Variants in UMAD1 observed in about 807,000 individuals in gnomAD.
UMAD1 encodes UBAP1-MVB12-associated (UMA) domain containing 1.
Under a neutral mutation model 6.1 loss-of-function variants are expected in UMAD1, and 8 were observed. The ratio of observed to expected loss-of-function variants is 1.30; its 90% CI spans 0.76 to 2.35. UMAD1 has a LOEUF of 2.35. Ranked by LOEUF, UMAD1 falls within the 30% of genes most tolerant of loss-of-function variation. The pLI is 0.00. For missense variants in UMAD1, 130 were observed against 78.4 expected (o/e 1.66, Z -2.49); for synonymous variants, 56 against 31.4 (o/e 1.78, Z -2.61).
Position 7,745,993 on chromosome 7 carries a change from CCT to C in UMAD1, c.83-55676_83-55675del, listed in dbSNP as rs372069064. The stretch of plus-strand genomic sequence containing the variant: ...TCAAGAGATCCTCCCACCTCAGCCC[CCT>C]GAGTAGCTAGGACTACAGGCATGTG... On this transcript the variant is annotated intron_variant, in intron 2 of 3. Transcript: ENST00000682710. Among the ~76,000 whole-genome samples, 35 of 152,320 alleles carry C rather than the reference CCT, an allele frequency of 2.3e-4. No homozygotes were observed. The East Asian group carries it at 5.4e-3, about 24-fold the overall frequency.
At chr7:7,743,289 G>C (rs1423121905) in intron 2 of UMAD1, among the ~76,000 whole-genome samples, 1 of 152,034 alleles carries the variant, frequency 6.6e-6, no homozygotes, top group African/African-American at 2.4e-5. Flanking sequence ...AATTAGCAAG[G>C]GATAGTAGAA....
chr7:7,794,647 G>C (rs75689217), intron 2 of UMAD1, among the ~76,000 whole-genome samples: 9,289 of 152,170 alleles, frequency 0.061, 380 homozygotes, highest in Non-Finnish European at 0.087. Flanking sequence ...ATACCAAATT[G>C]CAACCTGACA....
chr7:7,755,093 G>A (rs1465056016), intron 2 of UMAD1, among the ~76,000 whole-genome samples: 1 of 152,080 alleles, frequency 6.6e-6, no homozygotes, highest in Non-Finnish European at 1.5e-5. Context: ...CAAATTCCAA[G>A]TCTTCACTCC....
intron 2 of UMAD1, among the ~76,000 whole-genome samples, chr7:7,751,593 G>A (rs182746357): frequency 6.6e-6 from 1 of 152,122 alleles, no homozygotes; most frequent in Non-Finnish European, 1.5e-5. Flanking sequence ...TGTATATGAG[G>A]GTGGAGGGAC....
chr7:7,708,585 T>TA (rs1304745067), intron 2 of UMAD1, among the ~76,000 whole-genome samples: 1 of 152,170 alleles, frequency 6.6e-6, no homozygotes, highest in East Asian at 1.9e-4. Flanking sequence ...CCTTTAAAAA[T>TA]AAGTCAACAT....
At chr7:7,745,756 C>T (rs938763845) in intron 2 of UMAD1, among the ~76,000 whole-genome samples, 15 of 152,332 alleles carry the variant, frequency 9.8e-5, no homozygotes, top group African/African-American at 3.4e-4. Context: ...AAAAAGTAGT[C>T]TAGTACGATG....
intron 2 of UMAD1, among the ~76,000 whole-genome samples, chr7:7,750,304 G>A (rs1022860368): frequency 1.3e-5 from 2 of 152,110 alleles, no homozygotes; most frequent in Admixed American, 1.3e-4. Flanking sequence ...TTTCACATCT[G>A]TCAGGCTCTA....
intron 3 of UMAD1, among the ~76,000 whole-genome samples, chr7:7,834,044 A>C (rs1783516558): frequency 8.6e-6 from 1 of 116,192 alleles, no homozygotes; most frequent in African/African-American, 3.3e-5. Flanking sequence ...TTTTTTTGAG[A>C]CGGAGTCTTG....
In UMAD1 at chr7:7,692,695, C is replaced by G. The variant is rs866667932; in HGVS notation, c.82+19242C>G. Among the ~76,000 whole-genome samples the G allele has an allele frequency of 2.6e-5, 4 of 152,140 alleles. No individual in the cohort carries two copies. The South Asian group carries it at 8.3e-4, about 32-fold the overall frequency. On this transcript the variant is annotated intron_variant, in intron 2 of 3. Coordinates refer to ENST00000682710, the MANE Select transcript of UMAD1 (RefSeq NM_001302348.2). ...CGTGATCTCAGCTCACTGCAACCTCCACCTCCTGGGTTCAAGTGATTCTCC... is the reference window on the plus strand; with the variant it reads ...CGTGATCTCAGCTCACTGCAACCTCGACCTCCTGGGTTCAAGTGATTCTCC...
rs752742118 is a variant in UMAD1 at position 7,783,813 on chromosome 7, G to T, written c.83-17857G>T. On this transcript the variant is annotated intron_variant, in intron 2 of 3. Coordinates refer to ENST00000682710, the MANE Select transcript of UMAD1 (RefSeq NM_001302348.2). ...CCTGTTATACGCGGTAATGCAGTTT[G>T]TTTTGTACAATGTTATAAAATGATC... 1.4e-4 allele frequency among the ~76,000 whole-genome samples: 22 copies of T among 152,304 alleles called. 1 individual carries two copies. In the Middle Eastern group the frequency reaches 0.027, roughly 190 times the overall value.
chr7:7,839,519 C>G (rs535784510), intron 3 of UMAD1, among the ~76,000 whole-genome samples: 44 of 152,260 alleles, frequency 2.9e-4, no homozygotes, highest in Admixed American at 5.9e-4. Flanking sequence ...TTTACTCTTG[C>G]TGTACACGAG....
intron 2 of UMAD1, among the ~76,000 whole-genome samples, chr7:7,777,215 C>T (rs188769862): frequency 7.9e-5 from 12 of 152,054 alleles, no homozygotes; most frequent in African/African-American, 2.9e-4. Flanking sequence ...CTTGTAAAAA[C>T]AATACTACAG....
At chr7:7,667,105 G>A (rs1779483473) in intron 1 of UMAD1, among the ~76,000 whole-genome samples, 2 of 152,178 alleles carry the variant, frequency 1.3e-5, no homozygotes, top group Admixed American at 6.5e-5. Flanking sequence ...CACTGCGCCC[G>A]GCTGACAGGT....
intron 3 of UMAD1, among the ~76,000 whole-genome samples, chr7:7,855,019 C>T (rs953407944): frequency 6.6e-6 from 1 of 152,228 alleles, no homozygotes; most frequent in Non-Finnish European, 1.5e-5. Flanking sequence ...CCAAAATACT[C>T]TGCTTTGACT....
chr7:7,656,203 G>A lies in UMAD1; in HGVS notation c.-64+15382G>A, dbSNP rs552137085. On this transcript the variant is annotated intron_variant, in intron 1 of 3. Transcript: ENST00000682710. Reference sequence around the variant, plus strand: ...TTCTTCTGTATACACCATTGTAAAAGCTGCGTGGTTCTGAGGGTGGAAGTG... The same window carrying A: ...TTCTTCTGTATACACCATTGTAAAAACTGCGTGGTTCTGAGGGTGGAAGTG... Among the ~76,000 whole-genome samples, 10 of 151,886 alleles carry A rather than the reference G, an allele frequency of 6.6e-5. No homozygotes were observed. The East Asian group carries it at 1.9e-3, about 29-fold the overall frequency.
intron 2 of UMAD1, among the ~76,000 whole-genome samples, chr7:7,718,833 T>C (rs189340800): frequency 1.3e-3 from 200 of 152,224 alleles, no homozygotes; most frequent in African/African-American, 4.4e-3. Flanking sequence ...TCTAGATTAA[T>C]TTAAAAAGAA....
At chr7:7,690,283 T>G (rs1428420269) in intron 2 of UMAD1, among the ~76,000 whole-genome samples, 1 of 151,506 alleles carries the variant, frequency 6.6e-6, no homozygotes, top group African/African-American at 2.4e-5. Context: ...AAACCATAAT[T>G]TTTTTTTTAA....
chr7:7,651,961 C>T (rs920158420), intron 1 of UMAD1, among the ~76,000 whole-genome samples: 3 of 152,140 alleles, frequency 2.0e-5, no homozygotes, highest in African/African-American at 7.2e-5. Flanking sequence ...CTGACTCCTC[C>T]CTCTCTCCCC....
intron 2 of UMAD1, among the ~76,000 whole-genome samples, chr7:7,719,155 T>C (rs1780991085): frequency 6.6e-6 from 1 of 152,154 alleles, no homozygotes. Flanking sequence ...AAAAACACCT[T>C]TAGGGTGAAT....
Sources: allele counts gnomAD v4.1 joint callset (sites outside exome capture counted in the v4.1 genomes callset), GRCh38; gene constraint gnomAD v4.1.1; transcripts MANE v1.5; gene names NCBI Gene and HGNC (gene_info 2026-07-23, HGNC 2026-07-21).